The following ELMO1 variants were observed in gnomAD, a reference collection of about 807,000 sequenced individuals.
ELMO1 encodes the protein engulfment and cell motility protein 1.
In ELMO1, 26 loss-of-function variants were observed where a neutral mutation model predicts 98.9. The ratio of observed to expected loss-of-function variants is 0.26; its 90% CI spans 0.19 to 0.36. The LOEUF (loss-of-function observed/expected upper bound fraction) is 0.36. Ranked by LOEUF, ELMO1 falls within the 10% of genes least tolerant of loss-of-function variation. The pLI, the probability that ELMO1 is intolerant of heterozygous loss-of-function variation, is 1.00. For synonymous variants in ELMO1, 346 were observed against 346.0 expected, an observed-to-expected ratio of 1.00 and a Z score of 0.00; for missense variants, 627 against 935.2, an observed-to-expected ratio of 0.67 and a Z score of 4.30.
chr7:36,904,455 G>A (rs1218520353), intron 16 of ELMO1, among the ~76,000 whole-genome samples: 1 of 152,102 alleles, frequency 6.6e-6, no homozygotes, highest in African/African-American at 2.4e-5. Context: ...CAGGAGTGTT[G>A]AGGGCCTTGG....
At chr7:36,917,008 G>C (rs1318756766) in intron 16 of ELMO1, among the ~76,000 whole-genome samples, 1 of 152,240 alleles carries the variant, frequency 6.6e-6, no homozygotes, top group Non-Finnish European at 1.5e-5. Context: ...TTTAGGGGCA[G>C]AAAGGAAAAT....
chr7:37,196,402 C>T (rs754427168), intron 13 of ELMO1, among the ~76,000 whole-genome samples: 2 of 152,282 alleles, frequency 1.3e-5, no homozygotes, highest in African/African-American at 2.4e-5. Flanking sequence ...CAGATAGAAA[C>T]GTGGCCTTGC....
At position 36,920,023 on chromosome 7, in the gene ELMO1, G is replaced by A. The variant is rs908147681; in HGVS notation, c.1438-25006C>T. ...AGGGATGCTTTGGTTCTTTCCTTTG[G>A]GCACTCTACTCTGGAATGATGTCCA... On this transcript the variant is annotated intron_variant, in intron 16 of 21. Coordinates refer to ENST00000310758, the MANE Select transcript of ELMO1 (RefSeq NM_014800.11). Among the ~76,000 whole-genome samples the A allele has an allele frequency of 4.6e-5, 7 of 152,114 alleles. 1 individual carries two copies. Among genetic ancestry groups the A allele is most frequent in the Admixed American group, 3.9e-4 (6 of 15,272 alleles).
intron 18 of ELMO1, among the ~76,000 whole-genome samples, chr7:36,884,003 T>C (rs1437621778): frequency 3.3e-5 from 5 of 152,120 alleles, no homozygotes; most frequent in African/African-American, 1.2e-4. Context: ...TGGGCTCCCA[T>C]GCTACTCCAC....
intron 13 of ELMO1, among the ~76,000 whole-genome samples, chr7:37,154,545 C>A (rs1584729888): frequency 2.6e-5 from 4 of 152,238 alleles, no homozygotes; most frequent in South Asian, 4.2e-4. Flanking sequence ...CCGATTTGAT[C>A]AAGCGCAAGA....
intron 1 of ELMO1, among the ~76,000 whole-genome samples, chr7:37,443,764 T>A (rs1309989638): frequency 6.6e-6 from 1 of 152,190 alleles, no homozygotes; most frequent in Non-Finnish European, 1.5e-5. Context: ...GCATTGTACA[T>A]GCAGGCTGGC....
chr7:36,983,563 G>C (rs1271363777), intron 16 of ELMO1, among the ~76,000 whole-genome samples: 2 of 152,124 alleles, frequency 1.3e-5, no homozygotes, highest in Non-Finnish European at 2.9e-5. Context: ...CACCGGCAAG[G>C]TCCTTAATAT....
intron 7 of ELMO1, among the ~76,000 whole-genome samples, chr7:37,240,999 A>G (rs965581177): frequency 6.6e-6 from 1 of 152,128 alleles, no homozygotes; most frequent in Admixed American, 6.5e-5. Context: ...TGATCAAATC[A>G]TCTATATCCT....
intron 13 of ELMO1, among the ~76,000 whole-genome samples, chr7:37,203,048 C>T (rs1464384998): frequency 6.6e-6 from 1 of 152,046 alleles, no homozygotes; most frequent in African/African-American, 2.4e-5. Flanking sequence ...GTCCCTGGAC[C>T]CTGCTGATCA....
chr7:37,244,151 T>C (rs1362225375), intron 7 of ELMO1, among the ~76,000 whole-genome samples: 1 of 152,112 alleles, frequency 6.6e-6, no homozygotes, highest in Non-Finnish European at 1.5e-5. Context: ...ATATTCTTTC[T>C]ACTCCAAAGC....
chr7:37,357,912 A>C (rs1463796308), intron 1 of ELMO1, among the ~76,000 whole-genome samples: 4 of 152,234 alleles, frequency 2.6e-5, no homozygotes, highest in African/African-American at 9.6e-5. Flanking sequence ...TCAAATGCAT[A>C]GATAAATAAG....
intron 1 of ELMO1, among the ~76,000 whole-genome samples, chr7:37,447,295 A>G (rs1228832976): frequency 2.6e-5 from 4 of 152,232 alleles, no homozygotes; most frequent in Admixed American, 2.0e-4. Context: ...AGCGCCCAAC[A>G]GGAAGCCTCC....
intron 13 of ELMO1, among the ~76,000 whole-genome samples, chr7:37,137,415 C>T (rs967841848): frequency 5.9e-5 from 9 of 152,242 alleles, no homozygotes; most frequent in African/African-American, 2.2e-4. Context: ...TACCCTACAA[C>T]AAATGGACTT....
At chr7:37,249,700 T>C (rs1382832429) in intron 6 of ELMO1, among the ~76,000 whole-genome samples, 2 of 152,254 alleles carry the variant, frequency 1.3e-5, no homozygotes, top group East Asian at 3.8e-4. Flanking sequence ...CTTTAAAATG[T>C]ATACATACTC....
chr7:37,434,270 A>C (rs1468471439), intron 1 of ELMO1, among the ~76,000 whole-genome samples: 1 of 152,084 alleles, frequency 6.6e-6, no homozygotes, highest in South Asian at 2.1e-4. Flanking sequence ...TTGAAAGAAA[A>C]GAAAAGTGAA....
intron 1 of ELMO1, among the ~76,000 whole-genome samples, chr7:37,382,321 C>G (rs1010441090): frequency 7.2e-5 from 11 of 152,190 alleles, no homozygotes; most frequent in Admixed American, 7.2e-4. Flanking sequence ...ACCCTTCACC[C>G]GTATTTCCCA....
intron 1 of ELMO1, among the ~76,000 whole-genome samples, chr7:37,358,006 A>T (rs1369743195): frequency 2.6e-5 from 4 of 152,182 alleles, no homozygotes; most frequent in Non-Finnish European, 5.9e-5. Context: ...AATATTATTG[A>T]TTACATCCTA....
intron 18 of ELMO1, 148 bp downstream of exon 18, chr7:36,887,412 G>A (rs1805118004): frequency 3.2e-6 from 2 of 622,024 alleles, no homozygotes; most frequent in Non-Finnish European, 5.6e-6. Flanking sequence ...GGTGTGCATG[G>A]GAACCAGAAA....
At chr7:37,315,574 G>A (rs1799111495) in intron 3 of ELMO1, among the ~76,000 whole-genome samples, 1 of 152,188 alleles carries the variant, frequency 6.6e-6, no homozygotes, top group Admixed American at 6.5e-5. Context: ...CCTCTATGGG[G>A]ACCTGAGTGG....
Sources: allele counts gnomAD v4.1 joint callset (sites outside exome capture counted in the v4.1 genomes callset), GRCh38; gene constraint gnomAD v4.1.1; transcripts MANE v1.5; gene names NCBI Gene and HGNC (gene_info 2026-07-23, HGNC 2026-07-21).